Variants in IFFO2 observed in about 807,000 individuals in gnomAD.
The protein encoded by IFFO2 is intermediate filament family orphan 2.
In IFFO2, 19 loss-of-function variants were observed where a neutral mutation model predicts 53.5. The ratio of observed to expected loss-of-function variants is 0.36; its 90% confidence interval spans 0.25 to 0.52. IFFO2 has a LOEUF of 0.52. Among genes scored for constraint, IFFO2 ranks in the 20% least tolerant of loss-of-function variants. The pLI is 0.94. For missense variants in IFFO2, 570 were observed against 727.4 expected, an observed-to-expected ratio of 0.78 and a Z score of 2.49; for synonymous variants, 303 against 313.6, an observed-to-expected ratio of 0.97 and a Z score of 0.36.
At chr1:18,911,735 C>T (rs866899847) in intron 6 of IFFO2, among the ~76,000 whole-genome samples, 1 of 152,044 alleles carries the variant, frequency 6.6e-6, no homozygotes, top group Non-Finnish European at 1.5e-5. Context: ...GATGAGATTT[C>T]GCCATATTGG....
intron 1 of IFFO2, among the ~76,000 whole-genome samples, chr1:18,929,697 C>G (rs191251227): frequency 1.2e-3 from 180 of 151,754 alleles, no homozygotes; most frequent in African/African-American, 4.3e-3. Flanking sequence ...ACGGCAAGCC[C>G]CTAACTGGGC....
rs1219750596 is a variant in IFFO2, at chr1:18,910,340, A to G, written c.1448+2T>C. On this transcript the variant is annotated splice_donor_variant, in intron 8 of 8. Transcript: ENST00000455833. LOFTEE classifies it high-confidence loss of function. ...GAATCCCCTGGGAGGATGGGCGGGT[A>G]CCTGTCTGCGGAGCCTTTGATGAGC... 1 of 1,604,482 alleles carries G rather than the reference A, an allele frequency of 6.2e-7. No homozygotes were observed. Among genetic ancestry groups the G allele is most frequent in the Admixed American group, 1.7e-5 (1 of 58,670 alleles).
At chr1:18,950,569 C>T (rs530954642) in intron 1 of IFFO2, among the ~76,000 whole-genome samples, 1 of 152,198 alleles carries the variant, frequency 6.6e-6, no homozygotes, top group Admixed American at 6.5e-5. Flanking sequence ...GATGCAAAAC[C>T]CTTTTCCACC....
chr1:18,918,414 A>G lies in IFFO2; in HGVS notation c.911T>C (p.Leu304Pro). The change falls in exon 4 of 9, where the codon CTG (leucine) becomes CCG (proline). Residue 304 changes from leucine (L) to proline (P), a missense_variant. Leu to Pro is a moderately conservative substitution (Grantham distance 98). Transcript: ENST00000455833. This position sits in a 1 kb window ranked among gnomAD's most constrained non-coding sequence, Gnocchi z 5.2. ...ICRRIDITAK[L>P]CDVAQQRNSE... ...GTTCCGCTGCTGTGCGACATCGCAC[A>G]GCTTGGCCGTGATATCGATTCGGCG... 6.4e-7 allele frequency: 1 copy of G among 1,557,414 alleles called. No homozygotes were observed. The highest frequency in any genetic ancestry group is 1.2e-5 in the South Asian group (1 of 84,332).
rs185153905 is a variant in IFFO2 at position 18,928,009 on chromosome 1, C to T, written c.666-6888G>A. Among the ~76,000 whole-genome samples, 67 of 152,334 alleles carry T rather than the reference C, an allele frequency of 4.4e-4. No individual in the cohort carries two copies. Among genetic ancestry groups the T allele is most frequent in the African/African-American group, 7.0e-4 (29 of 41,576 alleles). On this transcript the variant is annotated intron_variant, in intron 1 of 8. Coordinates refer to ENST00000455833, the MANE Select transcript of IFFO2 (RefSeq NM_001136265.2). The surrounding 1 kb of genome is among the most constrained non-coding windows in gnomAD (Gnocchi z 4.9). Reference sequence around the variant, plus strand: ...GGCTGGGAATACAATGTGGAAATCCCGCCACCACTGCTAACACAGGGCTCA... The same window carrying T: ...GGCTGGGAATACAATGTGGAAATCCTGCCACCACTGCTAACACAGGGCTCA...
intron 2 of IFFO2, among the ~76,000 whole-genome samples, chr1:18,920,642 C>T (rs938194608): frequency 1.3e-5 from 2 of 152,206 alleles, no homozygotes; most frequent in African/African-American, 4.8e-5. Flanking sequence ...TGGGAGCCCA[C>T]CTGCGACGTG....
At chr1:18,926,850 A>G (rs1171860283) in intron 1 of IFFO2, among the ~76,000 whole-genome samples, 3 of 152,122 alleles carry the variant, frequency 2.0e-5, no homozygotes, top group Non-Finnish European at 4.4e-5. Context: ...CAGATTTTTC[A>G]CTTCCTGTGC....
At chr1:18,952,062 C>T (rs1936665939) in intron 1 of IFFO2, among the ~76,000 whole-genome samples, 1 of 152,184 alleles carries the variant, frequency 6.6e-6, no homozygotes, top group Admixed American at 6.5e-5. Context: ...GACCTAAAGT[C>T]CAGGTCTCCT....
chr1:18,914,634 C>A (rs999080262), intron 5 of IFFO2, among the ~76,000 whole-genome samples: 1 of 151,636 alleles, frequency 6.6e-6, no homozygotes, highest in Admixed American at 6.6e-5. Flanking sequence ...CTGGGCAACA[C>A]GGTAAAACCC....
At chr1:18,922,291 C>T (rs957606646) in intron 1 of IFFO2, among the ~76,000 whole-genome samples, 7 of 152,252 alleles carry the variant, frequency 4.6e-5, no homozygotes, top group African/African-American at 1.4e-4. Flanking sequence ...TTTCCCTCCT[C>T]GGATGTCTGT....
chr1:18,941,070 G>A (rs1936514743), intron 1 of IFFO2, among the ~76,000 whole-genome samples: 1 of 152,210 alleles, frequency 6.6e-6, no homozygotes, highest in African/African-American at 2.4e-5. Flanking sequence ...CTTTGACAAG[G>A]AACAAGTCAT....
At chr1:18,937,360 T>A (rs980690974) in intron 1 of IFFO2, among the ~76,000 whole-genome samples, 1 of 152,180 alleles carries the variant, frequency 6.6e-6, no homozygotes, top group Non-Finnish European at 1.5e-5. Flanking sequence ...CCAAAAGAAT[T>A]AGTGACTAAA....
chr1:18,935,230 A>G (rs117654694), intron 1 of IFFO2, among the ~76,000 whole-genome samples: 1 of 152,342 alleles, frequency 6.6e-6, no homozygotes, highest in East Asian at 1.9e-4. Flanking sequence ...CTTCCTCACC[A>G]GTGGCCCTCT....
At chr1:18,912,343 G>T (rs758983984) in intron 5 of IFFO2, among the ~76,000 whole-genome samples, 1 of 151,950 alleles carries the variant, frequency 6.6e-6, no homozygotes, top group Non-Finnish European at 1.5e-5. Context: ...AATTAATTGG[G>T]ACTAAAGATA....
At chr1:18,954,006 G>A (rs1465580374) in intron 1 of IFFO2, among the ~76,000 whole-genome samples, 2 of 152,214 alleles carry the variant, frequency 1.3e-5, no homozygotes, top group South Asian at 2.1e-4. Flanking sequence ...GAGAGCAAGT[G>A]CCTGCTTCCC....
rs551763023 is a variant in IFFO2 at position 18,947,352 on chromosome 1, C to T, written c.665+8316G>A. Among the ~76,000 whole-genome samples, 6 of 152,296 alleles carry T rather than the reference C, an allele frequency of 3.9e-5. No individual in the cohort carries two copies. In the East Asian group the frequency reaches 1.2e-3, roughly 29 times the overall value. On this transcript the variant is annotated intron_variant, in intron 1 of 8. Transcript: ENST00000455833. The surrounding 1 kb of genome is among the most constrained non-coding windows in gnomAD (Gnocchi z 5.0). ...GCTGTGCCCTGAGGACACTCAGGGG[C>T]CGGGCAAGATAAATGGAGCATTAAT...
chr1:18,938,142 G>A (rs771394227), intron 1 of IFFO2, among the ~76,000 whole-genome samples: 15 of 152,342 alleles, frequency 9.8e-5, no homozygotes, highest in East Asian at 1.9e-4. Context: ...TGGGATGGGC[G>A]TCCAACTCAG....
chr1:18,943,388 T>C (rs1017251511), intron 1 of IFFO2, among the ~76,000 whole-genome samples: 2 of 151,842 alleles, frequency 1.3e-5, no homozygotes, highest in Non-Finnish European at 2.9e-5. Flanking sequence ...TTAAAAAAAA[T>C]GTCTTTCCAT....
chr1:18,919,538 A>C lies in IFFO2; in HGVS notation c.822+140T>G. 1 of 659,318 alleles carries C rather than the reference A, an allele frequency of 1.5e-6. No individual in the cohort carries two copies. The highest frequency in any genetic ancestry group is 2.8e-6 in the Non-Finnish European group (1 of 363,588). The allele number at this position is 659,318 out of a possible 1,614,324, so 40.8% of individuals were successfully genotyped here. A position where few individuals can be genotyped will look rare whatever the true frequency, so the allele number is the denominator to read the frequency against. Reference sequence around the variant, plus strand: ...GCCTGGTCTCCGATGCATCCAATGCATCCGTCATCCTCATGGTCAAACACA... The same window carrying C: ...GCCTGGTCTCCGATGCATCCAATGCCTCCGTCATCCTCATGGTCAAACACA... On this transcript the variant is annotated intron_variant, in intron 3 of 8. Coordinates refer to ENST00000455833, the MANE Select transcript of IFFO2 (RefSeq NM_001136265.2). The surrounding 1 kb of genome is among the most constrained non-coding windows in gnomAD (Gnocchi z 4.9).
Sources: gnomAD v4.1 joint callset for allele counts (sites outside exome capture counted in the v4.1 genomes callset) on GRCh38, gnomAD v4.1.1 for gene constraint, Gnocchi (gnomAD v3.1) non-coding constraint, MANE v1.5 for transcripts, NCBI Gene and HGNC (gene_info 2026-07-23, HGNC 2026-07-21) for gene names.